The following CNTLN variants were observed in gnomAD, a reference collection of about 807,000 sequenced individuals.
The protein encoded by CNTLN is centlein.
A neutral mutation model predicts 180.0 loss-of-function variants in CNTLN; 212 were observed. That is an observed-to-expected ratio of 1.18 (90% CI 1.05 to 1.32). The LOEUF (loss-of-function observed/expected upper bound fraction) is 1.32. Among genes scored for constraint, CNTLN ranks in the 40% most tolerant of loss-of-function variants. The pLI is 0.00. For missense variants in CNTLN, 2,095 were observed against 1,610.9 expected, an observed-to-expected ratio of 1.30 and a Z score of -5.14; for synonymous variants, 722 against 563.1, an observed-to-expected ratio of 1.28 and a Z score of -3.99.
At chr9:17,259,257 G>A (rs539429426) in intron 5 of CNTLN, among the ~76,000 whole-genome samples, 1 of 148,940 alleles carries the variant, frequency 6.7e-6, no homozygotes, top group Admixed American at 6.7e-5. Context: ...CTTTGGTTCT[G>A]TTTATATGCT....
chr9:17,157,262 A>G (rs977137074), intron 2 of CNTLN, among the ~76,000 whole-genome samples: 1 of 152,200 alleles, frequency 6.6e-6, no homozygotes, highest in Non-Finnish European at 1.5e-5. Flanking sequence ...ATATTTGCTG[A>G]TAACAATCAA....
At chr9:17,340,756 A>G in intron 10 of CNTLN, 71 bp from the exon 11 acceptor site, 1 of 1,307,010 alleles carries the variant, frequency 7.7e-7, no homozygotes, top group Non-Finnish European at 1.0e-6. Flanking sequence ...TAGATGGGTA[A>G]CCTTTTATTT....
intron 5 of CNTLN, among the ~76,000 whole-genome samples, chr9:17,261,327 T>A (rs1284004200): frequency 6.6e-6 from 1 of 151,478 alleles, no homozygotes; most frequent in Admixed American, 6.6e-5. Flanking sequence ...TTTCAATTGG[T>A]TTGTGTCATC....
chr9:17,288,316 C>T (rs200829078), intron 6 of CNTLN, among the ~76,000 whole-genome samples: 28 of 116,438 alleles, frequency 2.4e-4, no homozygotes, highest in Non-Finnish European at 2.8e-4. Flanking sequence ...AGTTGAGCGG[C>T]TTTGAGTGAG....
intron 3 of CNTLN, 145 bp from the exon 4 acceptor site, chr9:17,235,513 C>A: frequency 1.6e-6 from 1 of 619,598 alleles, no homozygotes; most frequent in Non-Finnish European, 2.7e-6. Flanking sequence ...GGGCATGTTA[C>A]AGGAGATGAG....
intron 23 of CNTLN, among the ~76,000 whole-genome samples, chr9:17,479,162 C>T (rs1832508069): frequency 6.6e-6 from 1 of 152,130 alleles, no homozygotes; most frequent in Non-Finnish European, 1.5e-5. Flanking sequence ...AAAAGAGAAC[C>T]ACCATTGGAC....
intron 11 of CNTLN, 70 bp from the exon 12 acceptor site, chr9:17,342,255 G>A: frequency 4.1e-6 from 6 of 1,449,046 alleles, no homozygotes; most frequent in Non-Finnish European, 5.7e-6. Flanking sequence ...AAATTTTAAG[G>A]AATGTATAAA....
intron 7 of CNTLN, among the ~76,000 whole-genome samples, chr9:17,305,452 ACT>A (rs1474569484): frequency 1.3e-5 from 2 of 152,060 alleles, no homozygotes; most frequent in Non-Finnish European, 2.9e-5. Context: ...GAAAAAGATA[ACT>A]CAGTATGCCT....
chr9:17,470,907 AATAC>A (rs1832014573), intron 23 of CNTLN, among the ~76,000 whole-genome samples: 1 of 152,052 alleles, frequency 6.6e-6, no homozygotes, highest in Non-Finnish European at 1.5e-5. Flanking sequence ...TTCTTTAGTG[AATAC>A]ATTTGTGGAG....
intron 18 of CNTLN, among the ~76,000 whole-genome samples, chr9:17,439,546 A>G (rs1339954366): frequency 6.6e-6 from 1 of 152,234 alleles, no homozygotes; most frequent in Non-Finnish European, 1.5e-5. Flanking sequence ...GAATGTGACT[A>G]AGGTGGTACT....
chr9:17,309,089 C>A lies in CNTLN; in HGVS notation c.1178C>A (p.Thr393Asn). ...AATGAGTTACATATTTGTTTTGAAACCACAAAATCAAATGAAGCTATGCTC... is the reference window on the plus strand; with the variant it reads ...AATGAGTTACATATTTGTTTTGAAAACACAAAATCAAATGAAGCTATGCTC... ...LYNELHICFE[T>N]TKSNEAMLRQ... The change falls in exon 8 of 26, where the codon ACC (threonine) becomes AAC (asparagine). Residue 393 changes from threonine to asparagine, a missense_variant. Transcript: ENST00000380647. 6.3e-7 allele frequency: 1 copy of A among 1,591,510 alleles called. No homozygotes were observed. The highest frequency in any genetic ancestry group is 8.5e-7 in the Non-Finnish European group (1 of 1,172,818).
At chr9:17,380,569 C>G (rs1220422434) in intron 13 of CNTLN, among the ~76,000 whole-genome samples, 1 of 152,128 alleles carries the variant, frequency 6.6e-6, no homozygotes, top group Non-Finnish European at 1.5e-5. Context: ...CAGCTTTCCC[C>G]CATGAGGTGT....
intron 12 of CNTLN, among the ~76,000 whole-genome samples, chr9:17,344,938 A>G (rs981956182): frequency 3.9e-5 from 6 of 152,238 alleles, no homozygotes; most frequent in Middle Eastern, 3.4e-3. Flanking sequence ...CTCCTTCCCT[A>G]TAGCTTTGCC....
chr9:17,255,831 A>G (rs1238567474), intron 5 of CNTLN, among the ~76,000 whole-genome samples: 1 of 151,868 alleles, frequency 6.6e-6, no homozygotes, highest in Non-Finnish European at 1.5e-5. Context: ...CAGTCTTCTT[A>G]CAAGTTACTG....
intron 3 of CNTLN, among the ~76,000 whole-genome samples, chr9:17,229,433 G>C (rs1018017527): frequency 1.4e-4 from 21 of 152,078 alleles, no homozygotes; most frequent in Non-Finnish European, 2.2e-4. Context: ...TTGATTGATT[G>C]ACTGATTTGT....
chr9:17,249,462 C>T (rs368522352), intron 5 of CNTLN, among the ~76,000 whole-genome samples: 19 of 150,832 alleles, frequency 1.3e-4, no homozygotes, highest in South Asian at 4.2e-4. Context: ...CATTCTCCTG[C>T]TTCAGCCTCC....
intron 2 of CNTLN, among the ~76,000 whole-genome samples, chr9:17,204,770 C>T (rs560185490): frequency 1.4e-3 from 211 of 152,276 alleles, no homozygotes; most frequent in African/African-American, 4.9e-3. Flanking sequence ...AGATTAAGCC[C>T]GCTAAAGCTG....
At chr9:17,179,835 A>G (rs983145914) in intron 2 of CNTLN, among the ~76,000 whole-genome samples, 1 of 146,968 alleles carries the variant, frequency 6.8e-6, no homozygotes, top group Non-Finnish European at 1.6e-5. Flanking sequence ...TCTGTATATT[A>G]TTTTGAGCTC....
intron 12 of CNTLN, among the ~76,000 whole-genome samples, chr9:17,343,523 G>T (rs1214661582): frequency 6.6e-6 from 1 of 152,062 alleles, no homozygotes; most frequent in Non-Finnish European, 1.5e-5. Context: ...TTTAAATGTT[G>T]TATGCTCCCA....
Sources: allele counts gnomAD v4.1 joint callset (sites outside exome capture counted in the v4.1 genomes callset), GRCh38; gene constraint gnomAD v4.1.1; transcripts MANE v1.5; gene names NCBI Gene and HGNC (gene_info 2026-07-23, HGNC 2026-07-21).